EIF3L: variants seen among roughly 807,000 people sequenced by gnomAD.
EIF3L encodes eukaryotic translation initiation factor 3 subunit L, also known as eIEF associated protein HSPC021.
EIF3L carries 32 observed loss-of-function variants against 74.6 expected under a neutral mutation model. That is an observed-to-expected ratio of 0.43 (90% confidence interval 0.32 to 0.58). EIF3L has a LOEUF of 0.58. Among genes scored for constraint, EIF3L ranks in the 20% least tolerant of loss-of-function variants. The pLI is 0.06. For synonymous variants in EIF3L, 256 were observed against 254.4 expected, an observed-to-expected ratio of 1.01 and a Z score of -0.06; for missense variants, 474 against 707.8, an observed-to-expected ratio of 0.67 and a Z score of 3.75.
At position 37,851,425 on chromosome 22, in the gene EIF3L, C is replaced by A. The variant is rs371813632; in HGVS notation, c.228C>A (p.Ala76=). The A allele has an allele frequency of 1.1e-4, 173 of 1,613,870 alleles. No homozygotes were observed. Among genetic ancestry groups the A allele is most frequent in the Non-Finnish European group, 1.3e-4 (153 of 1,180,008 alleles). The change falls in exon 3 of 13, where the codon GCC becomes GCA. Residue 76 remains alanine, a synonymous_variant. Coordinates refer to ENST00000652021, the MANE Select transcript of EIF3L (RefSeq NM_016091.4). The part of the protein sequence containing the change: ...LIDQKVYELQ[A]SRVSSDVIDQ... ...ACCAGAAAGTGTATGAGCTACAGGC[C>A]AGTCGTGTCTCCAGTGATGTCATTG...
chr22:37,874,587 TCTG>T, intron 9 of EIF3L, 63 bp downstream of exon 9: 1 of 1,538,886 alleles, frequency 6.5e-7, no homozygotes, highest in Admixed American at 1.9e-5. Flanking sequence ...AGAGAACCAC[TCTG>T]ATCTCTTAGG....
At chr22:37,867,334 T>G (rs910996472) in intron 7 of EIF3L, among the ~76,000 whole-genome samples, 1 of 152,104 alleles carries the variant, frequency 6.6e-6, no homozygotes, top group Non-Finnish European at 1.5e-5. Flanking sequence ...CTGGATATTA[T>G]CAGTCTGTCT....
intron 11 of EIF3L, 72 bp from the exon 12 acceptor site, chr22:37,886,693 T>G: frequency 7.5e-7 from 1 of 1,332,182 alleles, no homozygotes; most frequent in African/African-American, 1.5e-5. Context: ...TGCAAGTCCA[T>G]GGTGGCTCCT....
At chr22:37,884,275 A>G (rs908850015) in intron 11 of EIF3L, 4 of 152,168 alleles carry the variant, frequency 2.6e-5, no homozygotes, top group African/African-American at 4.8e-5. Context: ...GTATTAATGT[A>G]CTGCATTTTG....
rs1270000216 is a variant in EIF3L at position 37,851,485 on chromosome 22, G to T, written c.288G>T (p.Glu96Asp). 2 of 1,584,508 alleles carry T rather than the reference G, an allele frequency of 1.3e-6. No homozygotes were observed. Among genetic ancestry groups the T allele is most frequent in the South Asian group, 2.2e-5 (2 of 90,652 alleles). ...TGTATGAGATCCAGGACATCTATGA[G>T]AACAGGTATGGGCTACTGGCTGAAA... ...QKVYEIQDIY[E>D]NSWTKLTERF... is the part of the protein sequence containing the mutation. The change falls in exon 3 of 13, where the codon GAG becomes GAT. Residue 96 changes from glutamate (E) to aspartate (D), a missense_variant. This residue lies in a region of EIF3L where 141 missense variants were observed against 197.7 expected (regional missense o/e 0.71). Transcript: ENST00000652021.
intron 7 of EIF3L, among the ~76,000 whole-genome samples, chr22:37,863,928 G>A (rs978394982): frequency 6.6e-6 from 1 of 152,062 alleles, no homozygotes; most frequent in African/African-American, 2.4e-5. Context: ...AGCCGGGCGT[G>A]GTGGCAGGCG....
At chr22:37,870,388 A>G (rs1470047885) in intron 8 of EIF3L, 41 bp downstream of exon 8, 1 of 1,545,732 alleles carries the variant, frequency 6.5e-7, no homozygotes, top group Admixed American at 2.0e-5. Flanking sequence ...GCGAATTTCC[A>G]GCTGCTTGCC....
At chr22:37,852,342 G>A (rs146117554) in intron 3 of EIF3L, among the ~76,000 whole-genome samples, 1 of 152,328 alleles carries the variant, frequency 6.6e-6, no homozygotes, top group Non-Finnish European at 1.5e-5. Flanking sequence ...TTTAATGGAT[G>A]TGCTGAGATT....
intron 5 of EIF3L, 77 bp downstream of exon 5, chr22:37,858,817 G>C: frequency 3.0e-6 from 4 of 1,315,402 alleles, no homozygotes; most frequent in African/African-American, 1.5e-5. Context: ...CTAGAACACA[G>C]TCATTTGTTT....
intron 8 of EIF3L, 56 bp downstream of exon 8, chr22:37,870,403 G>A: frequency 1.3e-6 from 2 of 1,505,780 alleles, no homozygotes; most frequent in Non-Finnish European, 1.8e-6. Context: ...CTTGCCATCT[G>A]TTCCAAATGA....
At chr22:37,858,534 G>T in intron 4 of EIF3L, 145 bp from the exon 5 acceptor site, 1 of 717,058 alleles carries the variant, frequency 1.4e-6, no homozygotes, top group Admixed American at 2.6e-5. Flanking sequence ...TTTTCTCATT[G>T]CATGTATTCT....
At chr22:37,852,612 CAT>C (rs1925285702) in intron 3 of EIF3L, among the ~76,000 whole-genome samples, 2 of 152,054 alleles carry the variant, frequency 1.3e-5, no homozygotes, top group South Asian at 2.1e-4. Flanking sequence ...GGATCTCTGA[CAT>C]GTGTTTTCTT....
chr22:37,874,403 G>A lies in EIF3L; in HGVS notation c.785G>A (p.Arg262Gln), dbSNP rs150200232. 5.0e-6 allele frequency: 8 copies of A among 1,614,028 alleles called. No individual in the cohort carries two copies. Among genetic ancestry groups the A allele is most frequent in the Non-Finnish European group, 6.8e-6 (8 of 1,179,988 alleles). ...DPESVAGEYG[R>Q]HSLYKMLGYF... ...GAGAGTGTGGCTGGGGAGTATGGGC[G>A]GCACTCCCTCTACAAAATGCTTGGT... Residue 262 changes from arginine to glutamine, a missense_variant, in exon 9 of 13, where the codon CGG (arginine) becomes CAG (glutamine). Transcript: ENST00000652021.
intron 11 of EIF3L, chr22:37,880,790 TC>T (rs1273211311): frequency 1.3e-5 from 2 of 152,228 alleles, no homozygotes; most frequent in African/African-American, 4.8e-5. Flanking sequence ...TGTCCTGATG[TC>T]TAACATCTTG....
intron 6 of EIF3L, 108 bp from the exon 7 acceptor site, chr22:37,863,164 C>A: frequency 9.0e-7 from 1 of 1,112,248 alleles, no homozygotes; most frequent in Non-Finnish European, 1.3e-6. Context: ...GAGGGGAGGT[C>A]TTGTGATTCA....
At position 37,857,977 on chromosome 22, in the gene EIF3L, C is replaced by T. The variant is rs1049558347; in HGVS notation, c.374-702C>T. Among the ~76,000 whole-genome samples, 4 of 151,900 alleles carry T rather than the reference C, an allele frequency of 2.6e-5. No individual in the cohort carries two copies. In the South Asian group the frequency reaches 8.3e-4, roughly 32 times the overall value. ...TTGAGGCTGGGAGATTTAGACTAGC[C>T]TGAGCAACATAGGGAGACCCCCTTC... is the stretch of plus-strand genomic sequence containing the variant. On this transcript the variant is annotated intron_variant, in intron 4 of 12. Transcript: ENST00000652021.
intron 3 of EIF3L, among the ~76,000 whole-genome samples, chr22:37,851,893 C>T (rs974383424): frequency 1.3e-5 from 2 of 151,940 alleles, no homozygotes; most frequent in Admixed American, 1.3e-4. Flanking sequence ...GTGTTGAACC[C>T]CTGACCTCAA....
chr22:37,867,160 C>T (rs1262077798), intron 7 of EIF3L, among the ~76,000 whole-genome samples: 2 of 152,072 alleles, frequency 1.3e-5, no homozygotes, highest in Non-Finnish European at 2.9e-5. Flanking sequence ...ACCTTAGCCT[C>T]CTGAGTAGCT....
chr22:37,884,237 T>C (rs568775750), intron 11 of EIF3L: 1 of 152,366 alleles, frequency 6.6e-6, no homozygotes, highest in Non-Finnish European at 1.5e-5. Context: ...TGTCAGTACA[T>C]TCCTTTTATA....
Sources: gnomAD v4.1 joint callset for allele counts (sites outside exome capture counted in the v4.1 genomes callset) on GRCh38, gnomAD v4.1.1 for gene constraint, gnomAD v4.1.1 regional missense constraint, MANE v1.5 for transcripts, NCBI Gene and HGNC (gene_info 2026-07-23, HGNC 2026-07-21) for gene names.